Variants in APLF observed in about 807,000 individuals in gnomAD.
APLF encodes aprataxin and PNK-like factor.
APLF carries 61 observed loss-of-function variants against 55.6 expected under a neutral mutation model. The ratio of observed to expected loss-of-function variants is 1.10; its 90% CI spans 0.89 to 1.36. The LOEUF (loss-of-function observed/expected upper bound fraction) is 1.36, where lower values mean the gene tolerates loss of function less well. APLF is among the 40% of genes most tolerant of loss of function. The pLI is 0.00. For missense variants in APLF, 611 were observed against 602.5 expected (o/e 1.01, Z -0.15); for synonymous variants, 207 against 214.8 (o/e 0.96, Z 0.32).
At chr2:68,519,236 TATATA>T (rs1314851724) in intron 5 of APLF, among the ~76,000 whole-genome samples, 1 of 140,000 alleles carries the variant, frequency 7.1e-6, no homozygotes, top group Non-Finnish European at 1.5e-5. Flanking sequence ...CATAATATAT[TATATA>T]TTATATATCA....
chr2:68,512,739 A>G (rs960158665), intron 3 of APLF, among the ~76,000 whole-genome samples: 2 of 151,792 alleles, frequency 1.3e-5, no homozygotes, highest in Admixed American at 6.6e-5. Context: ...CTTGCAGTTT[A>G]CATTATCTCT....
chr2:68,502,010 A>G (rs1573183744), intron 2 of APLF, among the ~76,000 whole-genome samples: 2 of 152,264 alleles, frequency 1.3e-5, no homozygotes, highest in African/African-American at 4.8e-5. Flanking sequence ...AAGGCATTAC[A>G]TGGAGAGAGA....
rs146123662 is a variant in APLF at position 68,573,917 on chromosome 2, C to T, written c.1334-3903C>T. 4.9e-3 allele frequency among the ~76,000 whole-genome samples: 748 copies of T among 151,918 alleles called. 3 individuals carry two copies. The highest frequency in any genetic ancestry group is 0.017 in the African/African-American group (718 of 41,462). On this transcript the variant is annotated intron_variant, in intron 9 of 9. Coordinates refer to ENST00000303795, the MANE Select transcript of APLF (RefSeq NM_173545.3). ...ATTCAGAAATCACTTAACAGCTTTA[C>T]AATAAAAACAGATAAAAAGCCGGAA...
chr2:68,579,448 A>G lies in APLF; in HGVS notation c.*1426A>G, dbSNP rs1024372147. ...TTACATAATCTACTCCTAGGTATAT[A>G]CCCAGAGGAATTGAAAACATTTCCA... On this transcript the variant is annotated 3_prime_UTR_variant, in exon 10 of 10. Transcript: ENST00000303795. The G allele has an allele frequency of 2.5e-5, 23 of 922,012 alleles. No homozygotes were observed. The highest frequency in any genetic ancestry group is 3.0e-5 in the Non-Finnish European group (23 of 772,156). The allele number at this position is 922,012 out of a possible 1,614,324, so 57.1% of individuals were successfully genotyped here. A position where few individuals can be genotyped will look rare whatever the true frequency, so the allele number is the denominator to read the frequency against.
chr2:68,565,512 T>TAGAC (rs761678832), intron 8 of APLF, among the ~76,000 whole-genome samples: 3 of 147,566 alleles, frequency 2.0e-5, no homozygotes, highest in Non-Finnish European at 3.0e-5. Flanking sequence ...GATAGACAGA[T>TAGAC]AGATACATAC....
chr2:68,495,297 T>C (rs1005571722), intron 2 of APLF, among the ~76,000 whole-genome samples: 1 of 152,208 alleles, frequency 6.6e-6, no homozygotes, highest in Non-Finnish European at 1.5e-5. Flanking sequence ...TCAAAAGTTA[T>C]TTACTTCTAA....
At chr2:68,561,251 G>A (rs1671159248) in intron 8 of APLF, among the ~76,000 whole-genome samples, 1 of 152,142 alleles carries the variant, frequency 6.6e-6, no homozygotes, top group Admixed American at 6.6e-5. Flanking sequence ...GAGGTAGACA[G>A]TGTTATCCCT....
chr2:68,510,501 A>T (rs1677016291), intron 3 of APLF, among the ~76,000 whole-genome samples: 1 of 151,850 alleles, frequency 6.6e-6, no homozygotes, highest in South Asian at 2.1e-4. Context: ...TCTACTAGGA[A>T]AGCTATAATC....
At chr2:68,482,202 G>A (rs2103890971) in intron 1 of APLF, among the ~76,000 whole-genome samples, 1 of 151,500 alleles carries the variant, frequency 6.6e-6, no homozygotes, top group East Asian at 1.9e-4. Context: ...CTCATCTGGT[G>A]GAATAGTTGC....
chr2:68,484,964 CTGTG>C (rs143959201), intron 1 of APLF, among the ~76,000 whole-genome samples: 1 of 150,152 alleles, frequency 6.7e-6, no homozygotes, highest in Non-Finnish European at 1.5e-5. Context: ...TGTAATATGC[CTGTG>C]TGTGTGTGTG....
chr2:68,571,691 T>A (rs1573280721), intron 9 of APLF, among the ~76,000 whole-genome samples: 2 of 152,246 alleles, frequency 1.3e-5, no homozygotes, highest in African/African-American at 4.8e-5. Flanking sequence ...TTTAGGTTAC[T>A]GTAGCCTTGT....
At chr2:68,535,563 G>A (rs1006033745) in intron 6 of APLF, among the ~76,000 whole-genome samples, 1 of 148,870 alleles carries the variant, frequency 6.7e-6, no homozygotes, top group African/African-American at 2.5e-5. Context: ...TTCATAGTAA[G>A]AATATAATTA....
intron 1 of APLF, among the ~76,000 whole-genome samples, chr2:68,469,642 T>C (rs1288817830): frequency 1.3e-5 from 2 of 152,142 alleles, no homozygotes; most frequent in Non-Finnish European, 2.9e-5. Flanking sequence ...CGCCTTGTAG[T>C]TTTTTCGATT....
intron 8 of APLF, among the ~76,000 whole-genome samples, chr2:68,554,800 G>A (rs1440412238): frequency 6.6e-6 from 1 of 151,660 alleles, no homozygotes; most frequent in Non-Finnish European, 1.5e-5. Context: ...CTTTCTGGAG[G>A]AATCTTTAGG....
chr2:68,578,005 T>C lies in APLF; in HGVS notation c.1519T>C (p.Phe507Leu), dbSNP rs778917887. The C allele has an allele frequency of 1.5e-5, 24 of 1,612,374 alleles. No homozygotes were observed. Among genetic ancestry groups the C allele is most frequent in the Non-Finnish European group, 1.9e-5 (22 of 1,179,294 alleles). Residue 507 changes from phenylalanine (F) to leucine (L), a missense_variant, in exon 10 of 10, where the codon TTT becomes CTT. Coordinates refer to ENST00000303795, the MANE Select transcript of APLF (RefSeq NM_173545.3). ...VEELLKEAKRFMKRK is the reference protein window; with the variant it reads ...VEELLKEAKRLMKRK ...AGAGCTTTTGAAAGAAGCAAAAAGGTTTATGAAAAGAAAATAGTAACTAAC... is the reference window on the plus strand; with the variant it reads ...AGAGCTTTTGAAAGAAGCAAAAAGGCTTATGAAAAGAAAATAGTAACTAAC...
chr2:68,572,273 A>T lies in APLF; in HGVS notation c.1333+4886A>T, dbSNP rs72903942. On this transcript the variant is annotated intron_variant, in intron 9 of 9. Coordinates refer to ENST00000303795, the MANE Select transcript of APLF (RefSeq NM_173545.3). Reference sequence around the variant, plus strand: ...ACAAAATAAAATATGAATACCAACTAGTTGCTTAGTGCATTTAAAAAAATT... The same window carrying T: ...ACAAAATAAAATATGAATACCAACTTGTTGCTTAGTGCATTTAAAAAAATT... Among the ~76,000 whole-genome samples, 982 of 152,278 alleles carry T rather than the reference A, an allele frequency of 6.4e-3. 7 individuals carry two copies. Among genetic ancestry groups the T allele is most frequent in the African/African-American group, 0.023 (940 of 41,570 alleles).
intron 6 of APLF, among the ~76,000 whole-genome samples, chr2:68,535,617 TTAA>T (rs2104000203): frequency 6.6e-6 from 1 of 152,050 alleles, no homozygotes; most frequent in African/African-American, 2.4e-5. Context: ...TTTTTTTTTT[TTAA>T]TGTGATAAGA....
rs1259741026 is a variant in APLF, at chr2:68,579,220, AT to A, written c.*1201del. 2.6e-6 allele frequency: 2 copies of A among 769,532 alleles called. No individual in the cohort carries two copies. The highest frequency in any genetic ancestry group is 3.8e-5 in the African/African-American group (2 of 52,814). 47.7% of individuals were successfully genotyped at this position (769,532 alleles called of 1,614,324 possible). On this transcript the variant is annotated 3_prime_UTR_variant, in exon 10 of 10. Coordinates refer to ENST00000303795, the MANE Select transcript of APLF (RefSeq NM_173545.3). ...ATATATCTCCCAGTAATTATACAAT[AT>A]TTAATATTTACTTAAACTGGAACAA...
At chr2:68,577,707 A>T in intron 9 of APLF, 113 bp from the exon 10 acceptor site, 1 of 1,260,274 alleles carries the variant, frequency 7.9e-7, no homozygotes, top group Non-Finnish European at 1.1e-6. Flanking sequence ...GTGGTAAGCT[A>T]TGCATTAATA....
Sources: gnomAD v4.1 joint callset for allele counts (sites outside exome capture counted in the v4.1 genomes callset) on GRCh38, gnomAD v4.1.1 for gene constraint, MANE v1.5 for transcripts, NCBI Gene and HGNC (gene_info 2026-07-23, HGNC 2026-07-21) for gene names.